The following DGLUCY variants were observed in gnomAD, a reference collection of about 807,000 sequenced individuals.
DGLUCY encodes the protein D-glutamate cyclase.
DGLUCY carries 58 observed loss-of-function variants against 58.5 expected under a neutral mutation model. The ratio of observed to expected loss-of-function variants is 0.99; its 90% CI spans 0.80 to 1.23. The LOEUF is 1.23. DGLUCY is among the 50% of genes most tolerant of loss of function. The pLI, the probability that DGLUCY is intolerant of heterozygous loss-of-function variation, is 0.00. For synonymous variants in DGLUCY, 325 were observed against 314.1 expected (o/e 1.03, Z -0.37); for missense variants, 779 against 784.7 (o/e 0.99, Z 0.09).
chr14:91,185,345 C>G (rs2049448083), intron 8 of DGLUCY: 1 of 125,186 alleles, frequency 8.0e-6, no homozygotes, highest in Non-Finnish European at 1.6e-5. Context: ...TACAGTGATG[C>G]AATCATAGGT....
chr14:91,085,408 C>G, intron 1 of DGLUCY, among the ~76,000 whole-genome samples: 1 of 152,022 alleles, frequency 6.6e-6, no homozygotes, highest in Non-Finnish European at 1.5e-5. Context: ...TCCATACCCC[C>G]CACATCTTTT....
chr14:91,218,739 CAT>C (rs1043529140), intron 13 of DGLUCY, among the ~76,000 whole-genome samples: 16 of 152,050 alleles, frequency 1.1e-4, no homozygotes, highest in Non-Finnish European at 1.5e-4. Flanking sequence ...AGTACAAACA[CAT>C]GTTTGTTGAG....
At chr14:91,109,152 A>G (rs1218381802), upstream of DGLUCY, among the ~76,000 whole-genome samples, 1 of 152,156 alleles carries the variant, frequency 6.6e-6, no homozygotes. Context: ...GCAAAACAGG[A>G]AGTGCTGCCG....
Position 91,160,352 on chromosome 14 carries a change from C to T in DGLUCY, c.58C>T (p.Leu20=). 1 of 1,560,116 alleles carries T rather than the reference C, an allele frequency of 6.4e-7. No individual in the cohort carries two copies. The highest frequency in any genetic ancestry group is 8.7e-7 in the Non-Finnish European group (1 of 1,150,562). ...RLPSAIRSLI[L]QKKPNIRNTS... ...TCCCTCTGCCATAAGGAGTTTGATT[C>T]TACAAAAGAAACCAAACATCAGAAA... Residue 20 remains leucine, a synonymous_variant, in exon 3 of 14, where the codon CTA becomes TTA. Transcript: ENST00000256324.
chr14:91,176,201 G>A, intron 7 of DGLUCY, 145 bp downstream of exon 7: 5 of 992,180 alleles, frequency 5.0e-6, no homozygotes, highest in Non-Finnish European at 7.0e-6. Flanking sequence ...CAGCTACAGT[G>A]AATCTCTCTC....
At chr14:91,153,332 G>A (rs976666523) in intron 1 of DGLUCY, among the ~76,000 whole-genome samples, 14 of 152,078 alleles carry the variant, frequency 9.2e-5, no homozygotes, top group Admixed American at 2.0e-4. Flanking sequence ...ATAGACATGC[G>A]CCACCACACC....
Position 91,187,151 on chromosome 14 carries a change from C to G in DGLUCY, c.935-1759C>G, listed in dbSNP as rs1360470573. 7.2e-5 allele frequency among the ~76,000 whole-genome samples: 11 copies of G among 152,242 alleles called. No individual in the cohort carries two copies. In the East Asian group the frequency reaches 2.1e-3, roughly 29 times the overall value. ...AGTAGCTGGGATTACAGGCACCCACCACCATGCCTGGCTAATTTTTGTATT... is the reference window on the plus strand; with the variant it reads ...AGTAGCTGGGATTACAGGCACCCACGACCATGCCTGGCTAATTTTTGTATT... On this transcript the variant is annotated intron_variant, in intron 8 of 13. Coordinates refer to ENST00000256324, the MANE Select transcript of DGLUCY (RefSeq NM_001102368.3).
intron 8 of DGLUCY, among the ~76,000 whole-genome samples, chr14:91,182,561 G>A (rs1047383923): frequency 6.6e-6 from 1 of 152,332 alleles, no homozygotes; most frequent in Non-Finnish European, 1.5e-5. Context: ...GCCTCCCAAA[G>A]TGCTGGGACT....
intron 3 of DGLUCY, chr14:91,165,440 C>G (rs2048223909): frequency 2.8e-6 from 1 of 359,590 alleles, no homozygotes; most frequent in Admixed American, 3.7e-5. Context: ...GATCAGGATT[C>G]AAGCCCAGGT....
At chr14:91,215,832 C>T (rs1386082632) in intron 13 of DGLUCY, 1 of 1,101,142 alleles carries the variant, frequency 9.1e-7, no homozygotes, top group African/African-American at 1.6e-5. Context: ...TTTTCTTCAT[C>T]TGTAAAATGG....
At chr14:91,100,860 C>A (rs2044474130) in intron 1 of DGLUCY, among the ~76,000 whole-genome samples, 1 of 152,126 alleles carries the variant, frequency 6.6e-6, no homozygotes. Context: ...CACTTGAGCC[C>A]AGGAGTTCAA....
At chr14:91,171,964 G>A (rs1347532463) in intron 5 of DGLUCY, among the ~76,000 whole-genome samples, 1 of 152,180 alleles carries the variant, frequency 6.6e-6, no homozygotes, top group Non-Finnish European at 1.5e-5. Context: ...TTTGGTCCAT[G>A]GCCCTTGCAG....
intron 12 of DGLUCY, among the ~76,000 whole-genome samples, chr14:91,214,413 G>A (rs1001038055): frequency 6.6e-6 from 1 of 152,214 alleles, no homozygotes; most frequent in Admixed American, 6.5e-5. Flanking sequence ...GCATGTGATG[G>A]AAAAGGAAGG....
intron 1 of DGLUCY, among the ~76,000 whole-genome samples, chr14:91,089,708 C>T (rs143106606): frequency 6.6e-6 from 1 of 151,608 alleles, no homozygotes; most frequent in African/African-American, 2.4e-5. Context: ...ATAATCCCAG[C>T]TACTTGGGAG....
intron 7 of DGLUCY, among the ~76,000 whole-genome samples, chr14:91,177,259 C>T (rs915598818): frequency 6.6e-6 from 1 of 152,192 alleles, no homozygotes; most frequent in African/African-American, 2.4e-5. Context: ...CCCCAGCCTC[C>T]TGAGTCATAG....
intron 1 of DGLUCY, among the ~76,000 whole-genome samples, chr14:91,063,505 C>T (rs151180965): frequency 3.3e-5 from 5 of 152,358 alleles, no homozygotes; most frequent in Non-Finnish European, 7.3e-5. Context: ...AAGGAGCCAC[C>T]TGACCTATGT....
At chr14:91,097,428 T>A (rs1168895985) in intron 1 of DGLUCY, among the ~76,000 whole-genome samples, 1 of 151,954 alleles carries the variant, frequency 6.6e-6, no homozygotes, top group East Asian at 1.9e-4. Flanking sequence ...GCAAAGAAAA[T>A]GTTTTAAAAT....
intron 1 of DGLUCY, among the ~76,000 whole-genome samples, chr14:91,150,733 G>A (rs112309924): frequency 0.036 from 5,404 of 152,154 alleles, 131 homozygotes; most frequent in Middle Eastern, 0.068. Context: ...GCCTTAATCC[G>A]AATGTTTTTT....
At chr14:91,106,009 G>T (rs2140091357), upstream of DGLUCY, among the ~76,000 whole-genome samples, 1 of 152,264 alleles carries the variant, frequency 6.6e-6, no homozygotes, top group Non-Finnish European at 1.5e-5. Flanking sequence ...TAAAAATACG[G>T]CATTATAACC....
Sources: allele counts gnomAD v4.1 joint callset (sites outside exome capture counted in the v4.1 genomes callset), GRCh38; gene constraint gnomAD v4.1.1; transcripts MANE v1.5; gene names NCBI Gene and HGNC (gene_info 2026-07-23, HGNC 2026-07-21).